The following SAXO1 variants were observed in gnomAD, a reference collection of about 807,000 sequenced individuals.
SAXO1 encodes the protein 4930500O09Rik.
In SAXO1, 21 loss-of-function variants were observed where a neutral mutation model predicts 17.5. The observed-to-expected ratio is 1.20, with a 90% CI of 0.85 to 1.72. The LOEUF is 1.72. Among genes scored for constraint, SAXO1 ranks in the 40% most tolerant of loss-of-function variants. The pLI, the probability that SAXO1 is intolerant of heterozygous loss-of-function variation, is 0.00. For missense variants in SAXO1, 843 were observed against 596.0 expected (o/e 1.41, Z -4.32); for synonymous variants, 274 against 216.5 (o/e 1.27, Z -2.33).
At chr9:18,987,843 G>C (rs1482543175) in intron 1 of SAXO1, among the ~76,000 whole-genome samples, 6 of 151,384 alleles carry the variant, frequency 4.0e-5, no homozygotes, top group African/African-American at 9.7e-5. Context: ...GCTGCAGTGA[G>C]CAGAGATGGC....
chr9:19,022,528 T>C (rs924354176), intron 1 of SAXO1, among the ~76,000 whole-genome samples: 2 of 152,260 alleles, frequency 1.3e-5, no homozygotes, highest in Non-Finnish European at 2.9e-5. Flanking sequence ...GTAGAGTTTT[T>C]TTCATTTGCA....
chr9:18,976,477 C>T (rs532612588), intron 1 of SAXO1, among the ~76,000 whole-genome samples: 1 of 152,320 alleles, frequency 6.6e-6, no homozygotes, highest in East Asian at 1.9e-4. Flanking sequence ...AAACTAAAAA[C>T]ACATTTTAAG....
chr9:18,953,465 A>G (rs1832120726), intron 1 of SAXO1, among the ~76,000 whole-genome samples: 2 of 152,270 alleles, frequency 1.3e-5, no homozygotes, highest in Admixed American at 1.3e-4. Flanking sequence ...CTGATGTTCC[A>G]TTAAATGGAA....
intron 1 of SAXO1, among the ~76,000 whole-genome samples, chr9:18,990,289 A>T (rs1398914582): frequency 1.3e-5 from 2 of 152,188 alleles, no homozygotes; most frequent in South Asian, 2.1e-4. Context: ...AAACGCTCCC[A>T]GTTAAAATGG....
At chr9:19,008,926 C>A (rs763450449) in intron 1 of SAXO1, among the ~76,000 whole-genome samples, 1 of 152,142 alleles carries the variant, frequency 6.6e-6, no homozygotes, top group Non-Finnish European at 1.5e-5. Context: ...ATCACAGCAC[C>A]GGAAGTTCAT....
In SAXO1 at chr9:19,015,362, G is replaced by T. The variant is rs188636374; in HGVS notation, c.38+17509C>A. 3.1e-4 allele frequency among the ~76,000 whole-genome samples: 47 copies of T among 152,082 alleles called. No homozygotes were observed. In the East Asian group the frequency reaches 8.9e-3, roughly 29 times the overall value. On this transcript the variant is annotated intron_variant, in intron 1 of 3. Coordinates refer to ENST00000380534, the MANE Select transcript of SAXO1 (RefSeq NM_153707.4). The stretch of plus-strand genomic sequence containing the variant: ...TTTTGTTTTGTTATTTTTTGTTTTT[G>T]AGACAGAGTCTCATCCTGTCACCCA...
chr9:18,961,166 TTTC>T (rs1471910006), intron 1 of SAXO1, among the ~76,000 whole-genome samples: 3 of 142,854 alleles, frequency 2.1e-5, no homozygotes, highest in African/African-American at 9.1e-5. Context: ...TTTGAAATTC[TTTC>T]TTTTTTTTTT....
intron 1 of SAXO1, among the ~76,000 whole-genome samples, chr9:19,010,361 C>A (rs1251115913): frequency 1.3e-5 from 2 of 152,128 alleles, no homozygotes; most frequent in African/African-American, 4.8e-5. Flanking sequence ...TCAGTCTTTC[C>A]ATCAAGCTCC....
intron 1 of SAXO1, among the ~76,000 whole-genome samples, chr9:19,007,799 C>A (rs979553520): frequency 1.3e-5 from 2 of 152,102 alleles, no homozygotes; most frequent in Non-Finnish European, 2.9e-5. Context: ...TTTCACGACA[C>A]GTGAAAATTG....
At chr9:18,941,140 T>C (rs964605438) in intron 3 of SAXO1, among the ~76,000 whole-genome samples, 1 of 152,202 alleles carries the variant, frequency 6.6e-6, no homozygotes, top group Non-Finnish European at 1.5e-5. Context: ...ACTTAATCAG[T>C]GGTAGAAACT....
chr9:18,948,095 C>A (rs1831869949), intron 2 of SAXO1, among the ~76,000 whole-genome samples: 1 of 152,192 alleles, frequency 6.6e-6, no homozygotes, highest in South Asian at 2.1e-4. Flanking sequence ...TGCACAGACA[C>A]AAGGGTGTGC....
At chr9:19,000,964 C>A (rs1397239331) in intron 1 of SAXO1, among the ~76,000 whole-genome samples, 2 of 152,150 alleles carry the variant, frequency 1.3e-5, no homozygotes, top group East Asian at 1.9e-4. Flanking sequence ...TACAAAGACA[C>A]TTAGACTCCC....
intron 1 of SAXO1, among the ~76,000 whole-genome samples, chr9:19,001,622 G>T (rs1380343602): frequency 6.6e-6 from 1 of 150,592 alleles, no homozygotes; most frequent in East Asian, 1.9e-4. Flanking sequence ...AGCCGAGATC[G>T]CGCATTGCAC....
At chr9:18,967,072 G>A (rs1331819532) in intron 1 of SAXO1, among the ~76,000 whole-genome samples, 1 of 152,206 alleles carries the variant, frequency 6.6e-6, no homozygotes, top group Non-Finnish European at 1.5e-5. Context: ...ATCAACAGAG[G>A]AGGCTGCAGA....
At chr9:18,963,027 T>A (rs988650532) in intron 1 of SAXO1, among the ~76,000 whole-genome samples, 7 of 152,230 alleles carry the variant, frequency 4.6e-5, no homozygotes, top group Non-Finnish European at 1.0e-4. Flanking sequence ...GGCTAGCCAG[T>A]TTTCCCAACA....
At chr9:19,027,487 C>T (rs931658966) in intron 1 of SAXO1, 16 of 813,484 alleles carry the variant, frequency 2.0e-5, no homozygotes, top group East Asian at 9.7e-5. Context: ...TGAGAACTTG[C>T]GGATCCAACA....
chr9:18,975,994 C>T (rs983382589), intron 1 of SAXO1, among the ~76,000 whole-genome samples: 1 of 152,220 alleles, frequency 6.6e-6, no homozygotes, highest in Admixed American at 6.5e-5. Context: ...GACTACTTAT[C>T]ATTCCCTGCA....
At position 18,977,475 on chromosome 9, in the gene SAXO1, G is replaced by A. The variant is rs772906533; in HGVS notation, c.39-26538C>T. ...TAGGAGGTGTCTAAGGCTTACAGAG[G>A]TTAAATCATCCAAGATCTTTCGTTC... On this transcript the variant is annotated intron_variant, in intron 1 of 3. Transcript: ENST00000380534. Among the ~76,000 whole-genome samples the A allele has an allele frequency of 2.8e-4, 43 of 152,270 alleles. 1 individual carries two copies. The highest frequency in any genetic ancestry group is 4.7e-4 in the Non-Finnish European group (32 of 68,014).
At chr9:18,951,957 A>G (rs1832055934) in intron 1 of SAXO1, among the ~76,000 whole-genome samples, 1 of 152,256 alleles carries the variant, frequency 6.6e-6, no homozygotes, top group Non-Finnish European at 1.5e-5. Flanking sequence ...ATAATTAAAT[A>G]AACTTTATAC....
Sources: gnomAD v4.1 joint callset for allele counts (sites outside exome capture counted in the v4.1 genomes callset) on GRCh38, gnomAD v4.1.1 for gene constraint, MANE v1.5 for transcripts, NCBI Gene and HGNC (gene_info 2026-07-23, HGNC 2026-07-21) for gene names.